The following SSH2 variants were observed in gnomAD, a reference collection of about 807,000 sequenced individuals.
SSH2 encodes slingshot protein phosphatase 2.
In SSH2, 37 loss-of-function variants were observed where a neutral mutation model predicts 135.2. The ratio of observed to expected loss-of-function variants is 0.27; its 90% CI spans 0.21 to 0.36. SSH2 has a LOEUF of 0.36. Ranked by LOEUF, SSH2 falls within the 10% of genes least tolerant of loss-of-function variation. The pLI is 1.00. For synonymous variants in SSH2, 628 were observed against 646.2 expected (o/e 0.97, Z 0.43); for missense variants, 1,408 against 1,765.3 (o/e 0.80, Z 3.63).
At position 29,674,966 on chromosome 17, in the gene SSH2, C is replaced by G. The variant is rs572879554; in HGVS notation, c.614+1854G>C. 3.3e-5 allele frequency among the ~76,000 whole-genome samples: 5 copies of G among 152,342 alleles called. No homozygotes were observed. In the South Asian group the frequency reaches 1.0e-3, roughly 32 times the overall value. On this transcript the variant is annotated intron_variant, in intron 8 of 15. Transcript: ENST00000540801. ...ATCAAAGCTTGATTTAAGGTTATTA[C>G]TTGAATTAAGACTGCTCTGTACTCT... is the stretch of plus-strand genomic sequence containing the variant.
intron 3 of SSH2, among the ~76,000 whole-genome samples, chr17:29,763,496 A>T (rs534515828): frequency 7.5e-6 from 1 of 133,630 alleles, no homozygotes; most frequent in Non-Finnish European, 1.7e-5. Flanking sequence ...TGCTGTGATT[A>T]AAAAAAAAAA....
intron 3 of SSH2, among the ~76,000 whole-genome samples, chr17:29,753,349 C>T (rs1464501605): frequency 1.3e-5 from 2 of 151,248 alleles, no homozygotes; most frequent in Admixed American, 1.3e-4. Flanking sequence ...AGGCTGGTCT[C>T]GAACTCCTGA....
intron 5 of SSH2, 139 bp from the exon 6 acceptor site, chr17:29,684,823 T>A: frequency 1.4e-6 from 1 of 693,994 alleles, no homozygotes; most frequent in Non-Finnish European, 2.2e-6. Flanking sequence ...AATTAAAATC[T>A]CAGCTCGTAC....
intron 13 of SSH2, among the ~76,000 whole-genome samples, chr17:29,650,115 C>T (rs1437738541): frequency 1.3e-5 from 2 of 152,052 alleles, no homozygotes; most frequent in African/African-American, 4.8e-5. Context: ...GACATTAATA[C>T]CAAACACTAA....
chr17:29,728,330 C>A, intron 3 of SSH2, among the ~76,000 whole-genome samples: 1 of 151,884 alleles, frequency 6.6e-6, no homozygotes, highest in East Asian at 1.9e-4. Flanking sequence ...AAATTAAATA[C>A]CTCGGAATTA....
At chr17:29,726,877 T>C (rs1043342422) in intron 3 of SSH2, among the ~76,000 whole-genome samples, 13 of 152,206 alleles carry the variant, frequency 8.5e-5, no homozygotes, top group Admixed American at 8.5e-4. Context: ...ATAGGTTTTT[T>C]CCACCATCTC....
chr17:29,640,974 G>A (rs2036136923), intron 14 of SSH2: 1 of 151,940 alleles, frequency 6.6e-6, no homozygotes, highest in African/African-American at 2.4e-5. Flanking sequence ...AGAGTGTAAT[G>A]AGTATGCCAC....
chr17:29,872,277 ACAGCACAGTATAACAT>A (rs1420152431), intron 1 of SSH2, among the ~76,000 whole-genome samples: 1 of 152,218 alleles, frequency 6.6e-6, no homozygotes, highest in Non-Finnish European at 1.5e-5. Flanking sequence ...AGTGGCCATA[ACAGCACAGTATAACAT>A]CAACATGAAC....
At chr17:29,709,015 T>TAGAGAGAGAGAGAGAGAGAG (rs58190730) in intron 3 of SSH2, among the ~76,000 whole-genome samples, 3 of 81,594 alleles carry the variant, frequency 3.7e-5, no homozygotes, top group Non-Finnish European at 7.4e-5. Flanking sequence ...TATATATATA[T>TAGAGAGAGAGAGAGAGAGAG]AGAGAGAGAG....
intron 3 of SSH2, among the ~76,000 whole-genome samples, chr17:29,747,021 T>C (rs1354085675): frequency 2.0e-5 from 3 of 152,244 alleles, no homozygotes; most frequent in Admixed American, 6.5e-5. Context: ...AATATCCTGT[T>C]ATGGATCACG....
At chr17:29,850,591 C>A (rs1248962741) in intron 1 of SSH2, among the ~76,000 whole-genome samples, 1 of 152,074 alleles carries the variant, frequency 6.6e-6, no homozygotes, top group Non-Finnish European at 1.5e-5. Context: ...CTACTCTGAC[C>A]CTTTGTCTAC....
At chr17:29,888,533 T>C (rs564739177) in intron 1 of SSH2, among the ~76,000 whole-genome samples, 1 of 152,170 alleles carries the variant, frequency 6.6e-6, no homozygotes, top group South Asian at 2.1e-4. Flanking sequence ...TCCGTATAAG[T>C]GTAAAGCAAA....
rs777523329 is a variant in SSH2, at chr17:29,632,941, GA to G, written c.2263-11del. 1 of 1,583,112 alleles carries G rather than the reference GA, an allele frequency of 6.3e-7. No individual in the cohort carries two copies. The highest frequency in any genetic ancestry group is 1.2e-5 in the South Asian group (1 of 85,674). On this transcript the variant is annotated splice_polypyrimidine_tract_variant and intron_variant, in intron 15 of 15. Coordinates refer to ENST00000540801, the MANE Select transcript of SSH2 (RefSeq NM_001282129.2). ...CCAGTTCTGAAATTGCCTAAGAAGA[GA>G]AAGTAGTGAGAAGATTATGGCAAAC... is the stretch of plus-strand genomic sequence containing the variant.
intron 15 of SSH2, among the ~76,000 whole-genome samples, 178 bp from the exon 16 acceptor site, chr17:29,633,109 G>A (rs909846889): frequency 1.3e-5 from 2 of 152,112 alleles, no homozygotes; most frequent in Non-Finnish European, 2.9e-5. Flanking sequence ...AGAAAAAACT[G>A]GATTCATCAA....
intron 6 of SSH2, among the ~76,000 whole-genome samples, chr17:29,679,188 C>A (rs1318702399): frequency 6.6e-6 from 1 of 152,080 alleles, no homozygotes; most frequent in African/African-American, 2.4e-5. Flanking sequence ...GCTGTAACTG[C>A]TTTCCCACTC....
At chr17:29,701,087 C>T (rs1370419877) in intron 4 of SSH2, among the ~76,000 whole-genome samples, 1 of 152,066 alleles carries the variant, frequency 6.6e-6, no homozygotes, top group Non-Finnish European at 1.5e-5. Context: ...TCTCCTGACT[C>T]AGCCTCCTGA....
Position 29,761,325 on chromosome 17 carries a change from T to A in SSH2, c.188+32569A>T. The A allele has an allele frequency of 2.6e-6, 3 of 1,148,770 alleles. No homozygotes were observed. The African/African-American group carries it at 5.2e-5, about 20-fold the overall frequency. 71.2% of individuals were successfully genotyped at this position (1,148,770 alleles called of 1,614,324 possible). Reference sequence around the variant, plus strand: ...CTCCGCATCCTGGCCTCTGCTCTGCTCCGGCACGAGGCGCAGGCTGCGCGT... The same window carrying A: ...CTCCGCATCCTGGCCTCTGCTCTGCACCGGCACGAGGCGCAGGCTGCGCGT... On this transcript the variant is annotated intron_variant, in intron 3 of 15. Coordinates refer to ENST00000540801, the MANE Select transcript of SSH2 (RefSeq NM_001282129.2).
chr17:29,716,477 G>C, intron 3 of SSH2: 1 of 698,244 alleles, frequency 1.4e-6, no homozygotes, highest in Admixed American at 1.8e-5. Flanking sequence ...AATGCCAGCA[G>C]CATGCTGGTT....
At chr17:29,702,655 A>G (rs932647408) in intron 4 of SSH2, among the ~76,000 whole-genome samples, 7 of 152,178 alleles carry the variant, frequency 4.6e-5, no homozygotes, top group Admixed American at 4.6e-4. Context: ...ACTCCATCTC[A>G]AAAAAACAAA....
Sources: gnomAD v4.1 joint callset for allele counts (sites outside exome capture counted in the v4.1 genomes callset) on GRCh38, gnomAD v4.1.1 for gene constraint, MANE v1.5 for transcripts, NCBI Gene and HGNC (gene_info 2026-07-23, HGNC 2026-07-21) for gene names.